The following CLSPN variants were observed in gnomAD, a reference collection of about 807,000 sequenced individuals.
CLSPN encodes the protein claspin.
In CLSPN, 85 loss-of-function variants were observed where a neutral mutation model predicts 156.3. That is an observed-to-expected ratio of 0.54 (90% CI 0.46 to 0.65). The LOEUF is 0.65. Ranked by LOEUF, CLSPN falls within the 30% of genes least tolerant of loss-of-function variation. CLSPN has a pLI of 0.00. For missense variants in CLSPN, 1,407 were observed against 1,554.9 expected, an observed-to-expected ratio of 0.90 and a Z score of 1.60; for synonymous variants, 534 against 542.4, an observed-to-expected ratio of 0.98 and a Z score of 0.22.
At chr1:35,749,331 A>C in intron 12 of CLSPN, 136 bp downstream of exon 12, 1 of 788,236 alleles carries the variant, frequency 1.3e-6, no homozygotes, top group Non-Finnish European at 2.0e-6. Context: ...TAATTCATAA[A>C]CCCTTTTCAT....
Position 35,736,573 on chromosome 1 carries a change from G to A in CLSPN, c.3943C>T (p.Pro1315Ser). 1 of 1,612,498 alleles carries A rather than the reference G, an allele frequency of 6.2e-7. No homozygotes were observed. The highest frequency in any genetic ancestry group is 1.1e-5 in the South Asian group (1 of 90,634). ...TCTGTTTTGAGGTGCTTAGGTGAAG[G>A]AGAAGTCATGAAAGATGGACCCCTT... ...KKRGPSFMTS[P>S]SPKHLKTDDS... Residue 1315 changes from proline (P) to serine (S), a missense_variant, in exon 25 of 25, where the codon CCT (proline) becomes TCT (serine). Pro to Ser is a moderately conservative substitution (Grantham distance 74). Around this residue, in one of 3 missense-constraint regions of CLSPN, gnomAD observed 241 missense variants for 240.5 expected, o/e 1.00. Transcript: ENST00000318121.
rs1641558985 is a variant in CLSPN, at chr1:35,738,451, C to T, written c.3558+4G>A. On this transcript the variant is annotated splice_donor_region_variant and intron_variant, in intron 21 of 24. Coordinates refer to ENST00000318121, the MANE Select transcript of CLSPN (RefSeq NM_022111.4). ...AACTAGGGTCAGAGTAGGTGAACTC[C>T]TACCATGTCCCGAAGCCACTGCTCT... is the stretch of plus-strand genomic sequence containing the variant. 1.2e-6 allele frequency: 2 copies of T among 1,613,510 alleles called. No homozygotes were observed. Among genetic ancestry groups the T allele is most frequent in the African/African-American group, 1.3e-5 (1 of 74,864 alleles).
chr1:35,735,023 A>C lies in CLSPN; in HGVS notation c.*1473T>G. On this transcript the variant is annotated 3_prime_UTR_variant, in exon 25 of 25. Coordinates refer to ENST00000318121, the MANE Select transcript of CLSPN (RefSeq NM_022111.4). ...ATGGTGGCCTTCTCTCAAAATTAGT[A>C]ATGAAATGCTGAAATGTCCATTGAT... 1 of 985,414 alleles carries C rather than the reference A, an allele frequency of 1.0e-6. No homozygotes were observed. Among genetic ancestry groups the C allele is most frequent in the Non-Finnish European group, 1.2e-6 (1 of 829,904 alleles). 61.0% of individuals were successfully genotyped at this position (985,414 alleles called of 1,614,324 possible).
intron 8 of CLSPN, among the ~76,000 whole-genome samples, chr1:35,757,888 C>T (rs1642330592): frequency 6.6e-6 from 1 of 152,228 alleles, no homozygotes; most frequent in African/African-American, 2.4e-5. Context: ...TCTCCAAAGT[C>T]AACCCATTCA....
intron 9 of CLSPN, 69 bp from the exon 10 acceptor site, chr1:35,751,575 A>T: frequency 6.5e-7 from 1 of 1,528,110 alleles, no homozygotes; most frequent in Non-Finnish European, 8.7e-7. Context: ...AGGCAACTCC[A>T]GAAATATTCT....
At chr1:35,730,413 C>T (rs1641285172), downstream of CLSPN, among the ~76,000 whole-genome samples, 1 of 151,526 alleles carries the variant, frequency 6.6e-6, no homozygotes, top group South Asian at 2.1e-4. Flanking sequence ...GCACTAAAAA[C>T]ACAAAAATTA....
rs609070 is a variant in CLSPN, at chr1:35,734,789, G to A, written c.*1707C>T. 981,653 of 985,324 alleles carry A rather than the reference G, an allele frequency of 1. 489,095 individuals are homozygous for A. Among genetic ancestry groups the A allele is most frequent in the Non-Finnish European group, 1 (829,809 of 829,876 alleles). 61.0% of individuals were successfully genotyped at this position (985,324 alleles called of 1,614,324 possible). A position where few individuals can be genotyped will look rare whatever the true frequency, so the allele number is the denominator to read the frequency against. ...ATTAAATTGGTGTTCCCATCTCCCAGTAAAAAACTGGCACACTCTCTTCCA... is the reference window on the plus strand; with the variant it reads ...ATTAAATTGGTGTTCCCATCTCCCAATAAAAAACTGGCACACTCTCTTCCA... On this transcript the variant is annotated 3_prime_UTR_variant, in exon 25 of 25. Coordinates refer to ENST00000318121, the MANE Select transcript of CLSPN (RefSeq NM_022111.4).
chr1:35,753,826 C>T lies in CLSPN; in HGVS notation c.1690G>A (p.Gly564Arg). The T allele has an allele frequency of 1.2e-6, 2 of 1,614,194 alleles. No homozygotes were observed. Among genetic ancestry groups the T allele is most frequent in the Non-Finnish European group, 1.7e-6 (2 of 1,180,036 alleles). ...NVIVKDMGTD[G>R]KEELKADVVP... ...ACATCTGCTTTTAGCTCTTCCTTTC[C>T]ATCAGTGCCCATGTCTTTCACTATG... The change falls in exon 9 of 25, where the codon GGA becomes AGA. Residue 564 changes from glycine (G) to arginine (R), a missense_variant. Transcript: ENST00000318121.
In CLSPN at chr1:35,732,892, C is replaced by T. The variant is rs1423457923; in HGVS notation, c.*3604G>A. The T allele has an allele frequency of 3.0e-6, 3 of 985,310 alleles. No homozygotes were observed. In the African/African-American group the frequency reaches 5.2e-5, roughly 17 times the overall value. The allele number at this position is 985,310 out of a possible 1,614,324, so 61.0% of individuals were successfully genotyped here. On this transcript the variant is annotated 3_prime_UTR_variant, in exon 25 of 25. Transcript: ENST00000318121. Reference sequence around the variant, plus strand: ...CCATCCTGGCATAAGGAAAAGTAACCCAGAGTTTGACTCAAGTTTTCTTTC... The same window carrying T: ...CCATCCTGGCATAAGGAAAAGTAACTCAGAGTTTGACTCAAGTTTTCTTTC...
At chr1:35,748,820 C>CT (rs201350754) in intron 12 of CLSPN, 28,556 of 287,220 alleles carry the variant, frequency 0.099, 350 homozygotes, top group South Asian at 0.13. Context: ...CTTGAAAGTT[C>CT]TTTTTTTTTT....
chr1:35,764,930 G>A (rs141579932), intron 2 of CLSPN, among the ~76,000 whole-genome samples: 6 of 152,080 alleles, frequency 3.9e-5, no homozygotes, highest in African/African-American at 7.2e-5. Flanking sequence ...GTAATTTTAC[G>A]TATATTTACA....
chr1:35,746,947 CT>C lies in CLSPN; in HGVS notation c.2672del (p.Lys891SerfsTer51). Reference protein sequence around the residue: ...RNHRNQYQALKPRLPLASMDE... With the variant: ...RNHRNQYQALXPRLPLASMDE... ...CCATACTGGCCAATGGCAATCGAGG[CT>C]TCAAAGCTTGGTACTGATTCCTGTG... On this transcript the variant is annotated frameshift_variant, in exon 15 of 25. Coordinates refer to ENST00000318121, the MANE Select transcript of CLSPN (RefSeq NM_022111.4). LOFTEE classifies it high-confidence loss of function. This position sits in a 1 kb window ranked among gnomAD's most constrained non-coding sequence, Gnocchi z 4.2. 1.2e-6 allele frequency: 2 copies of C among 1,614,168 alleles called. No individual in the cohort carries two copies. Among genetic ancestry groups the C allele is most frequent in the Non-Finnish European group, 1.7e-6 (2 of 1,180,016 alleles).
chr1:35,760,663 G>A lies in CLSPN; in HGVS notation c.1258C>T (p.Pro420Ser). The A allele has an allele frequency of 6.2e-7, 1 of 1,614,156 alleles. No individual in the cohort carries two copies. Among genetic ancestry groups the A allele is most frequent in the Non-Finnish European group, 8.5e-7 (1 of 1,180,026 alleles). ...AACACTGAGCTGTCCCCAGGTGAAG[G>A]TCTAATGTCACTCTGCTTCTGTTTC... ...QEKQKQSDIR[P>S]SPGDSSVLQQ... The change falls in exon 8 of 25, where the codon CCT becomes TCT. Residue 420 changes from proline (P) to serine (S), a missense_variant. Pro to Ser is a moderately conservative substitution (Grantham distance 74). Around this residue, in one of 3 missense-constraint regions of CLSPN, gnomAD observed 1,096 missense variants for 1,193.0 expected, o/e 0.92. Transcript: ENST00000318121.
At chr1:35,742,563 T>C (rs1350223053) in intron 18 of CLSPN, among the ~76,000 whole-genome samples, 6 of 151,848 alleles carry the variant, frequency 4.0e-5, no homozygotes, top group Non-Finnish European at 7.4e-5. Flanking sequence ...GTATTTTTAG[T>C]AGAGAGGGTT....
downstream of CLSPN, among the ~76,000 whole-genome samples, chr1:35,728,109 A>G (rs1641235918): frequency 7.7e-6 from 1 of 129,060 alleles, no homozygotes; most frequent in Admixed American, 9.0e-5. Context: ...CTTTTGAGGC[A>G]GTCTCACTCT....
chr1:35,736,769 G>A, intron 24 of CLSPN, 145 bp downstream of exon 24: 4 of 1,295,186 alleles, frequency 3.1e-6, no homozygotes, highest in Non-Finnish European at 4.2e-6. Flanking sequence ...ACCGACTGGG[G>A]TAGCAATTCT....
chr1:35,748,102 C>A, intron 13 of CLSPN, 41 bp from the exon 14 acceptor site: 5 of 1,581,400 alleles, frequency 3.2e-6, no homozygotes, highest in Non-Finnish European at 3.4e-6. Flanking sequence ...AAACATTTTA[C>A]AAATGTCAGT....
intron 18 of CLSPN, among the ~76,000 whole-genome samples, chr1:35,740,510 C>T (rs1641654775): frequency 6.6e-6 from 1 of 151,948 alleles, no homozygotes; most frequent in Non-Finnish European, 1.5e-5. Context: ...CCTCCACCTC[C>T]TGGGTTCAAG....
Position 35,769,944 on chromosome 1 carries a change from C to T in CLSPN, c.-74G>A. 1 of 1,558,042 alleles carries T rather than the reference C, an allele frequency of 6.4e-7. No individual in the cohort carries two copies. The highest frequency in any genetic ancestry group is 8.8e-7 in the Non-Finnish European group (1 of 1,138,958). Reference sequence around the variant, plus strand: ...CCCTCAGCCGGAGAGCAGCGGCTCCCGCCGTCTCCAGCCCAGCAGTGCTGT... The same window carrying T: ...CCCTCAGCCGGAGAGCAGCGGCTCCTGCCGTCTCCAGCCCAGCAGTGCTGT... On this transcript the variant is annotated 5_prime_UTR_variant, in exon 1 of 25. Transcript: ENST00000318121.
Sources: allele counts gnomAD v4.1 joint callset (sites outside exome capture counted in the v4.1 genomes callset), GRCh38; gene constraint gnomAD v4.1.1; regional missense constraint gnomAD v4.1.1; non-coding constraint Gnocchi (gnomAD v3.1); transcripts MANE v1.5; gene names NCBI Gene and HGNC (gene_info 2026-07-23, HGNC 2026-07-21).